RANBP17: variants seen among roughly 807,000 people sequenced by gnomAD.
RANBP17 encodes the protein ran-binding protein 17.
RANBP17 carries 158 observed loss-of-function variants against 141.2 expected under a neutral mutation model. The observed-to-expected ratio is 1.12, with a 90% CI of 0.98 to 1.28. RANBP17 has a LOEUF of 1.28. Among genes scored for constraint, RANBP17 ranks in the 50% most tolerant of loss-of-function variants. The pLI is 0.00. For missense variants in RANBP17, 1,438 were observed against 1,290.7 expected (o/e 1.11, Z -1.75); for synonymous variants, 430 against 450.0 (o/e 0.96, Z 0.56).
intron 14 of RANBP17, among the ~76,000 whole-genome samples, chr5:171,022,680 G>T (rs1424928542): frequency 3.9e-5 from 6 of 152,218 alleles, no homozygotes; most frequent in Non-Finnish European, 8.8e-5. Context: ...GCTATACAGA[G>T]GGATGCTGCC....
At position 170,916,182 on chromosome 5, in the gene RANBP17, A is replaced by C. The variant is rs998399722; in HGVS notation, c.835-283A>C. 4.8e-3 allele frequency among the ~76,000 whole-genome samples: 341 copies of C among 70,512 alleles called. 2 individuals carry two copies. The highest frequency in any genetic ancestry group is 0.014 in the African/African-American group (327 of 24,020). 46.3% of individuals were successfully genotyped at this position (70,512 alleles called of 152,430 possible). Reference sequence around the variant, plus strand: ...TGCGTTATATTCTATATTGCATTATAATGCGTTATATTCTATATTGCATTA... The same window carrying C: ...TGCGTTATATTCTATATTGCATTATCATGCGTTATATTCTATATTGCATTA... On this transcript the variant is annotated intron_variant, in intron 8 of 27. Transcript: ENST00000523189.
chr5:171,073,062 G>A (rs766768199), intron 14 of RANBP17, among the ~76,000 whole-genome samples: 9 of 152,198 alleles, frequency 5.9e-5, no homozygotes, highest in Non-Finnish European at 1.2e-4. Context: ...TGGGGGAGGG[G>A]TCAGCTGCAA....
intron 14 of RANBP17, among the ~76,000 whole-genome samples, chr5:171,169,423 A>C (rs1283726390): frequency 6.6e-6 from 1 of 152,050 alleles, no homozygotes; most frequent in Non-Finnish European, 1.5e-5. Context: ...TCCCACTTGA[A>C]GTGGGATATG....
At chr5:170,880,780 G>C (rs1424859352) in intron 2 of RANBP17, among the ~76,000 whole-genome samples, 1 of 152,192 alleles carries the variant, frequency 6.6e-6, no homozygotes, top group Non-Finnish European at 1.5e-5. Context: ...TTAGATATTT[G>C]AAGTCCATTT....
chr5:170,944,638 A>G (rs1269097779), intron 12 of RANBP17, among the ~76,000 whole-genome samples: 2 of 152,172 alleles, frequency 1.3e-5, no homozygotes, highest in African/African-American at 2.4e-5. Flanking sequence ...TACTTGCTCG[A>G]TTTTTAAGGT....
At chr5:171,184,450 G>A (rs1300857218) in intron 18 of RANBP17, among the ~76,000 whole-genome samples, 1 of 152,180 alleles carries the variant, frequency 6.6e-6, no homozygotes, top group Non-Finnish European at 1.5e-5. Context: ...TAGAACTAGA[G>A]AGTAGAATGG....
rs544284722 is a variant in RANBP17, at chr5:171,114,841, T to C, written c.1711-55289T>C. Among the ~76,000 whole-genome samples, 4 of 151,952 alleles carry C rather than the reference T, an allele frequency of 2.6e-5. No homozygotes were observed. The East Asian group carries it at 7.7e-4, about 29-fold the overall frequency. On this transcript the variant is annotated intron_variant, in intron 14 of 27. Transcript: ENST00000523189. ...TAAAAATCTTATGAGTGGCCAAGTATGGTAGCTCAAGCCTGTAATCCTATC... is the reference window on the plus strand; with the variant it reads ...TAAAAATCTTATGAGTGGCCAAGTACGGTAGCTCAAGCCTGTAATCCTATC...
chr5:170,959,471 T>G (rs1257515813), intron 13 of RANBP17, among the ~76,000 whole-genome samples: 1 of 152,206 alleles, frequency 6.6e-6, no homozygotes, highest in Non-Finnish European at 1.5e-5. Context: ...GTTTTCACTT[T>G]AGGGCCTTTG....
At chr5:170,974,026 A>G (rs1777183715) in intron 14 of RANBP17, among the ~76,000 whole-genome samples, 2 of 152,154 alleles carry the variant, frequency 1.3e-5, no homozygotes, top group African/African-American at 4.8e-5. Context: ...AGCATTTCAC[A>G]TTTGCCCCAC....
At chr5:171,167,202 G>C (rs1303442447) in intron 14 of RANBP17, among the ~76,000 whole-genome samples, 1 of 152,130 alleles carries the variant, frequency 6.6e-6, no homozygotes, top group East Asian at 1.9e-4. Context: ...CTCCTCTTTT[G>C]AATGCCAGGG....
At chr5:171,130,431 C>CTTTTTTTTT (rs72051535) in intron 14 of RANBP17, among the ~76,000 whole-genome samples, 132 of 90,028 alleles carry the variant, frequency 1.5e-3, no homozygotes, top group Non-Finnish European at 1.7e-3. Context: ...TTTAAAAAGA[C>CTTTTTTTTT]TTTTTTTTTT....
intron 14 of RANBP17, among the ~76,000 whole-genome samples, chr5:170,970,124 A>G (rs1717048769): frequency 7.5e-6 from 1 of 132,946 alleles, no homozygotes; most frequent in Non-Finnish European, 1.7e-5. Flanking sequence ...TAATGTCCTC[A>G]TTTTACTAAT....
At chr5:171,126,773 G>GA (rs1411257943) in intron 14 of RANBP17, among the ~76,000 whole-genome samples, 2 of 152,048 alleles carry the variant, frequency 1.3e-5, no homozygotes, top group African/African-American at 4.8e-5. Flanking sequence ...ATTGACCCAA[G>GA]AAAAAGTAGA....
At chr5:171,164,942 T>G (rs1269565512) in intron 14 of RANBP17, among the ~76,000 whole-genome samples, 1 of 152,206 alleles carries the variant, frequency 6.6e-6, no homozygotes, top group Non-Finnish European at 1.5e-5. Context: ...GTTTATTTGT[T>G]TTAACCGTCT....
At chr5:171,198,440 A>G (rs1214185572) in intron 18 of RANBP17, among the ~76,000 whole-genome samples, 2 of 152,358 alleles carry the variant, frequency 1.3e-5, no homozygotes, top group Admixed American at 1.3e-4. Flanking sequence ...AGAGTCAGCC[A>G]GATCAGCCAC....
chr5:170,921,277 A>T (rs1021293834), intron 11 of RANBP17, among the ~76,000 whole-genome samples: 2 of 152,180 alleles, frequency 1.3e-5, no homozygotes, highest in Non-Finnish European at 2.9e-5. Context: ...GTAAGGTGTA[A>T]GGAAGGAATC....
intron 14 of RANBP17, among the ~76,000 whole-genome samples, chr5:170,977,439 G>A (rs1777463471): frequency 2.0e-5 from 3 of 152,028 alleles, no homozygotes; most frequent in Admixed American, 2.0e-4. Context: ...CAGTCTGGCA[G>A]TTCTTCAAAA....
chr5:171,204,993 G>T (rs1762490958), intron 19 of RANBP17, among the ~76,000 whole-genome samples: 1 of 152,118 alleles, frequency 6.6e-6, no homozygotes, highest in Non-Finnish European at 1.5e-5. Context: ...TCCTCACTTG[G>T]GGAATGTGAC....
chr5:171,224,896 T>C (rs1379331745), intron 22 of RANBP17, among the ~76,000 whole-genome samples: 2 of 152,256 alleles, frequency 1.3e-5, no homozygotes, highest in East Asian at 3.8e-4. Flanking sequence ...GTAGGTATTA[T>C]ATGCTACTCA....
Sources: gnomAD v4.1 joint callset for allele counts (sites outside exome capture counted in the v4.1 genomes callset) on GRCh38, gnomAD v4.1.1 for gene constraint, MANE v1.5 for transcripts, NCBI Gene and HGNC (gene_info 2026-07-23, HGNC 2026-07-21) for gene names.